The following AOX1 variants were observed in gnomAD, a reference collection of about 807,000 sequenced individuals.
The protein encoded by AOX1 is aldehyde oxidase.
A neutral mutation model predicts 169.5 loss-of-function variants in AOX1; 153 were observed. The observed-to-expected ratio is 0.90, with a 90% CI of 0.79 to 1.03. AOX1 has a LOEUF of 1.03. AOX1 is among the 50% of genes least tolerant of loss of function. AOX1 has a pLI of 0.00. For synonymous variants in AOX1, 562 were observed against 581.9 expected (o/e 0.97, Z 0.49); for missense variants, 1,656 against 1,663.9 (o/e 1.00, Z 0.08).
intron 25 of AOX1, among the ~76,000 whole-genome samples, chr2:200,643,386 T>TATAC (rs1553575176): frequency 4.7e-5 from 7 of 149,354 alleles, no homozygotes; most frequent in Admixed American, 6.7e-5. Flanking sequence ...TATATATATA[T>TATAC]ACACACACAC....
At chr2:200,619,236 G>T (rs765846119) in intron 16 of AOX1, among the ~76,000 whole-genome samples, 33 of 152,150 alleles carry the variant, frequency 2.2e-4, no homozygotes, top group Non-Finnish European at 3.8e-4. Context: ...CATATGATGT[G>T]TAGCCTGGCA....
chr2:200,678,147 G>A (rs1276950041), downstream of AOX1: 3 of 152,222 alleles, frequency 2.0e-5, no homozygotes, highest in Non-Finnish European at 4.4e-5. Flanking sequence ...AAAGGGAGGT[G>A]CTAGTGGATT....
Position 200,604,134 on chromosome 2 carries a change from T to C in AOX1, c.669+37T>C, listed in dbSNP as rs548078335. The stretch of plus-strand genomic sequence containing the variant: ...AATGTTGAGCTCATCCTAGAAGAAT[T>C]CATGGTGAAATATCAGGAAGGGTAT... On this transcript the variant is annotated intron_variant, in intron 8 of 34. Coordinates refer to ENST00000374700, the MANE Select transcript of AOX1 (RefSeq NM_001159.4). 2.8e-6 allele frequency: 4 copies of C among 1,453,986 alleles called. No individual in the cohort carries two copies. The African/African-American group carries it at 5.6e-5, about 20-fold the overall frequency. The allele number at this position is 1,453,986 out of a possible 1,614,324, so 90.1% of individuals were successfully genotyped here. A position where few individuals can be genotyped will look rare whatever the true frequency, so the allele number is the denominator to read the frequency against.
chr2:200,593,549 C>T (rs1249919960), intron 2 of AOX1, among the ~76,000 whole-genome samples: 1 of 152,080 alleles, frequency 6.6e-6, no homozygotes, highest in Admixed American at 6.5e-5. Context: ...GAAAAGAGAG[C>T]ACAGAAGTCA....
intron 15 of AOX1, among the ~76,000 whole-genome samples, chr2:200,614,765 G>A (rs2034716791): frequency 6.6e-6 from 1 of 152,136 alleles, no homozygotes. Context: ...CCTTGCTTTT[G>A]AGGGTATCTT....
In AOX1 at chr2:200,604,866, A is replaced by C; in HGVS notation, c.814+26A>C. On this transcript the variant is annotated intron_variant, in intron 9 of 34. Coordinates refer to ENST00000374700, the MANE Select transcript of AOX1 (RefSeq NM_001159.4). Reference sequence around the variant, plus strand: ...GTATGTAGAACCCCAGGGATTTTTTATAGGGAAATTGAGAAAAAGGGCTTG... The same window carrying C: ...GTATGTAGAACCCCAGGGATTTTTTCTAGGGAAATTGAGAAAAAGGGCTTG... 5 of 1,430,790 alleles carry C rather than the reference A, an allele frequency of 3.5e-6. No homozygotes were observed. In the African/African-American group the frequency reaches 7.2e-5, roughly 21 times the overall value. The allele number at this position is 1,430,790 out of a possible 1,614,324, so 88.6% of individuals were successfully genotyped here. A position where few individuals can be genotyped will look rare whatever the true frequency, so the allele number is the denominator to read the frequency against.
At chr2:200,615,309 T>C (rs1181338409) in intron 15 of AOX1, among the ~76,000 whole-genome samples, 1 of 152,216 alleles carries the variant, frequency 6.6e-6, no homozygotes, top group African/African-American at 2.4e-5. Context: ...ACCTAGCTGG[T>C]TTTATTTTCT....
chr2:200,650,843 T>C, intron 25 of AOX1, 131 bp from the exon 26 acceptor site: 1 of 717,424 alleles, frequency 1.4e-6, no homozygotes. Flanking sequence ...AGGAAAGGCT[T>C]CCACAAGGAC....
chr2:200,670,197 C>G (rs371294860), intron 34 of AOX1, among the ~76,000 whole-genome samples: 1 of 152,076 alleles, frequency 6.6e-6, no homozygotes, highest in African/African-American at 2.4e-5. Flanking sequence ...GCGCCCATGC[C>G]GAGCAGACAT....
At chr2:200,618,886 C>T (rs905339796) in intron 16 of AOX1, among the ~76,000 whole-genome samples, 1 of 152,150 alleles carries the variant, frequency 6.6e-6, no homozygotes, top group Non-Finnish European at 1.5e-5. Context: ...ATGTGTTAAT[C>T]GGGGGGATCC....
At chr2:200,659,095 C>T in intron 27 of AOX1, 70 bp from the exon 28 acceptor site, 2 of 1,494,478 alleles carry the variant, frequency 1.3e-6, no homozygotes, top group Non-Finnish European at 9.2e-7. Context: ...ACATGTGTTA[C>T]CACGTGGGCA....
chr2:200,654,063 C>T (rs2035631819), intron 26 of AOX1, among the ~76,000 whole-genome samples: 1 of 151,986 alleles, frequency 6.6e-6, no homozygotes, highest in Non-Finnish European at 1.5e-5. Context: ...GAAATTAGGT[C>T]ATTTAATAAC....
intron 20 of AOX1, among the ~76,000 whole-genome samples, chr2:200,629,345 T>C (rs1419275914): frequency 6.6e-6 from 1 of 152,242 alleles, no homozygotes; most frequent in African/African-American, 2.4e-5. Context: ...GATAATCATG[T>C]GTTCTTGGCA....
chr2:200,665,304 T>A (rs769852194), intron 31 of AOX1, among the ~76,000 whole-genome samples: 1 of 152,204 alleles, frequency 6.6e-6, no homozygotes, highest in African/African-American at 2.4e-5. Context: ...AGACTACATA[T>A]GGATGTGAAT....
chr2:200,597,802 T>A (rs370680393), intron 4 of AOX1, among the ~76,000 whole-genome samples: 2 of 152,210 alleles, frequency 1.3e-5, no homozygotes, highest in East Asian at 1.9e-4. Flanking sequence ...CTATTTGACA[T>A]CTTCCAAACT....
In AOX1 at chr2:200,656,826, C is replaced by T. The variant is rs746213196; in HGVS notation, c.3076-16C>T. ...TCAAAAAGATCACAGAAACAGTTTT[C>T]GTCTTTTCTGCTCAGGCTGCTGCCT... On this transcript the variant is annotated splice_polypyrimidine_tract_variant and intron_variant, in intron 26 of 34. Coordinates refer to ENST00000374700, the MANE Select transcript of AOX1 (RefSeq NM_001159.4). 1.1e-5 allele frequency: 17 copies of T among 1,500,082 alleles called. No individual in the cohort carries two copies. The highest frequency in any genetic ancestry group is 5.7e-5 in the African/African-American group (4 of 70,342). The allele number at this position is 1,500,082 out of a possible 1,614,324, so 92.9% of individuals were successfully genotyped here.
At chr2:200,629,124 TA>T (rs2035063847) in intron 20 of AOX1, among the ~76,000 whole-genome samples, 1 of 152,128 alleles carries the variant, frequency 6.6e-6, no homozygotes. Context: ...ATAGGTGCAT[TA>T]AACTTGAAGC....
intron 32 of AOX1, among the ~76,000 whole-genome samples, chr2:200,667,975 G>A (rs73055188): frequency 0.11 from 16,869 of 152,152 alleles, 1,294 homozygotes; most frequent in African/African-American, 0.22. Context: ...AAAAACAAAA[G>A]AAGAGGGTGC....
intron 27 of AOX1, among the ~76,000 whole-genome samples, chr2:200,658,814 C>G (rs2035747625): frequency 6.6e-6 from 1 of 152,136 alleles, no homozygotes; most frequent in South Asian, 2.1e-4. Context: ...TAAGGTTCTG[C>G]TAGAATTTTG....
Sources: gnomAD v4.1 joint callset for allele counts (sites outside exome capture counted in the v4.1 genomes callset) on GRCh38, gnomAD v4.1.1 for gene constraint, MANE v1.5 for transcripts, NCBI Gene and HGNC (gene_info 2026-07-23, HGNC 2026-07-21) for gene names.